The following MCC variants were observed in gnomAD, a reference collection of about 807,000 sequenced individuals.
MCC encodes MCC regulator of Wnt signaling pathway.
A neutral mutation model predicts 116.2 loss-of-function variants in MCC; 90 were observed. The ratio of observed to expected loss-of-function variants is 0.77; its 90% confidence interval spans 0.65 to 0.92. The LOEUF is 0.92. Among genes scored for constraint, MCC ranks in the 40% least tolerant of loss-of-function variants. The pLI, the probability that MCC is intolerant of heterozygous loss-of-function variation, is 0.00. For missense variants in MCC, 1,516 were observed against 1,312.2 expected (o/e 1.16, Z -2.40); for synonymous variants, 578 against 510.5 (o/e 1.13, Z -1.78).
At chr5:113,251,069 G>T (rs1472213961) in intron 3 of MCC, among the ~76,000 whole-genome samples, 2 of 152,166 alleles carry the variant, frequency 1.3e-5, no homozygotes, top group African/African-American at 2.4e-5. Context: ...AATCAAAAGT[G>T]TTCTATTTGG....
intron 1 of MCC, chr5:113,433,239 G>T (rs11241209): frequency 0.17 from 30,842 of 177,712 alleles, 3,355 homozygotes; most frequent in Admixed American, 0.31. Context: ...CTTTCCCGCC[G>T]CCTCTCCGCG....
chr5:113,462,336 C>A (rs889566661), intron 1 of MCC, among the ~76,000 whole-genome samples: 2 of 152,188 alleles, frequency 1.3e-5, no homozygotes, highest in African/African-American at 2.4e-5. Context: ...ATTTTCCGGG[C>A]TGCTTGTTTC....
chr5:113,087,587 G>A (rs553106807), intron 8 of MCC, among the ~76,000 whole-genome samples: 3 of 152,202 alleles, frequency 2.0e-5, no homozygotes, highest in South Asian at 2.1e-4. Flanking sequence ...GAAACCTCCC[G>A]GTGGAGACTT....
intron 3 of MCC, among the ~76,000 whole-genome samples, chr5:113,205,238 G>C (rs77610853): frequency 2.6e-5 from 4 of 152,316 alleles, no homozygotes; most frequent in African/African-American, 9.6e-5. Context: ...CAGGATCTAA[G>C]AATCAGAGGA....
chr5:113,071,813 G>C (rs56054154), intron 11 of MCC, among the ~76,000 whole-genome samples: 51,864 of 152,024 alleles, frequency 0.34, 8,846 homozygotes, highest in Middle Eastern at 0.39. Context: ...ACAAACTACA[G>C]AGAGAACCAA....
At chr5:113,157,964 T>C (rs558920151) in intron 3 of MCC, among the ~76,000 whole-genome samples, 2 of 152,332 alleles carry the variant, frequency 1.3e-5, no homozygotes, top group African/African-American at 2.4e-5. Flanking sequence ...AGCACTGTGA[T>C]GCCATGGCAT....
intron 2 of MCC, among the ~76,000 whole-genome samples, chr5:113,377,079 G>A (rs1470408514): frequency 6.6e-6 from 1 of 152,196 alleles, no homozygotes; most frequent in Non-Finnish European, 1.5e-5. Context: ...AAAGGGCTGA[G>A]ACACAGCAGA....
In MCC at chr5:113,483,353, T is replaced by A. The variant is rs188840633; in HGVS notation, c.170+4892A>T. On this transcript the variant is annotated intron_variant, in intron 1 of 18. Transcript: ENST00000408903. ...GACTGCATTGATTCTGTAAATCAAT[T>A]TGGGAAGTATTGCCATCTTAACAAA... 3.9e-5 allele frequency among the ~76,000 whole-genome samples: 6 copies of A among 152,314 alleles called. No individual in the cohort carries two copies. In the East Asian group the frequency reaches 1.2e-3, roughly 29 times the overall value.
intron 1 of MCC, chr5:113,433,705 G>A (rs1259919716): frequency 1.3e-5 from 21 of 1,591,262 alleles, no homozygotes; most frequent in East Asian, 2.2e-5. Flanking sequence ...TAAGCCGTGA[G>A]CTCCATCTCA....
At chr5:113,277,628 A>T (rs1029124777) in intron 3 of MCC, among the ~76,000 whole-genome samples, 3 of 152,208 alleles carry the variant, frequency 2.0e-5, no homozygotes, top group African/African-American at 7.2e-5. Context: ...ATAATGGCAG[A>T]TTCTGAACTA....
At chr5:113,147,621 T>A (rs1298251705) in intron 4 of MCC, among the ~76,000 whole-genome samples, 2 of 152,164 alleles carry the variant, frequency 1.3e-5, no homozygotes, top group African/African-American at 4.8e-5. Context: ...TCACACAGGA[T>A]TTGTCACAAC....
chr5:113,414,234 T>C (rs574491292), intron 1 of MCC, among the ~76,000 whole-genome samples: 217 of 152,336 alleles, frequency 1.4e-3, no homozygotes, highest in African/African-American at 5.0e-3. Context: ...CTGAGAAGGA[T>C]GTATATTCTG....
chr5:113,389,257 G>A (rs867263779), intron 1 of MCC, among the ~76,000 whole-genome samples: 5 of 152,256 alleles, frequency 3.3e-5, no homozygotes, highest in East Asian at 3.9e-4. Flanking sequence ...CTTCAATGAC[G>A]TACAGTCCCC....
rs541449778 is a variant in MCC, at chr5:113,049,900, C to T, written c.2449-601G>A. 3.3e-5 allele frequency among the ~76,000 whole-genome samples: 5 copies of T among 152,340 alleles called. No homozygotes were observed. In the East Asian group the frequency reaches 9.6e-4, roughly 29 times the overall value. On this transcript the variant is annotated intron_variant, in intron 15 of 18. Coordinates refer to ENST00000408903, the MANE Select transcript of MCC (RefSeq NM_001085377.2). ...AAATCAATAGAAACAGCATCCTTCA[C>T]AGGTGACTGCTCATCAGACAACTTC... is the stretch of plus-strand genomic sequence containing the variant.
At chr5:113,105,393 C>T (rs1298383283) in intron 6 of MCC, among the ~76,000 whole-genome samples, 1 of 152,192 alleles carries the variant, frequency 6.6e-6, no homozygotes, top group Non-Finnish European at 1.5e-5. Flanking sequence ...CAGGACTTCT[C>T]AGAATGTTTT....
At chr5:113,426,275 G>C (rs1770479707) in intron 1 of MCC, among the ~76,000 whole-genome samples, 2 of 152,050 alleles carry the variant, frequency 1.3e-5, no homozygotes, top group Non-Finnish European at 2.9e-5. Flanking sequence ...GGGCCACAAG[G>C]GAAGCAAAAC....
chr5:113,362,803 T>C (rs755735785), intron 2 of MCC, among the ~76,000 whole-genome samples: 2 of 152,160 alleles, frequency 1.3e-5, no homozygotes, highest in Non-Finnish European at 2.9e-5. Flanking sequence ...GCACAGAGCT[T>C]CAAAAATCTT....
rs114344452 is a variant in MCC, at chr5:113,235,408, A to G, written c.628-83986T>C. On this transcript the variant is annotated intron_variant, in intron 3 of 18. Transcript: ENST00000408903. ...CCAAATAATTTTTATATCTGATTAGACTATGTTAGTGCATTAGTTTCTTCA... is the reference window on the plus strand; with the variant it reads ...CCAAATAATTTTTATATCTGATTAGGCTATGTTAGTGCATTAGTTTCTTCA... 9.7e-3 allele frequency among the ~76,000 whole-genome samples: 1,480 copies of G among 152,318 alleles called. 34 individuals carry two copies. The highest frequency in any genetic ancestry group is 0.033 in the African/African-American group (1,377 of 41,582).
intron 1 of MCC, among the ~76,000 whole-genome samples, chr5:113,483,915 C>T (rs145839232): frequency 8.8e-4 from 134 of 152,120 alleles, no homozygotes; most frequent in African/African-American, 3.0e-3. Flanking sequence ...GGACTGGAGG[C>T]CATTACCCTT....
Sources: allele counts gnomAD v4.1 joint callset (sites outside exome capture counted in the v4.1 genomes callset), GRCh38; gene constraint gnomAD v4.1.1; transcripts MANE v1.5; gene names NCBI Gene and HGNC (gene_info 2026-07-23, HGNC 2026-07-21).